The following KIAA1549L variants were observed in gnomAD, a reference collection of about 807,000 sequenced individuals.
KIAA1549L encodes UPF0606 protein KIAA1549L.
KIAA1549L carries 88 observed loss-of-function variants against 160.7 expected under a neutral mutation model. The ratio of observed to expected loss-of-function variants is 0.55; its 90% CI spans 0.46 to 0.65. The LOEUF is 0.65. KIAA1549L is among the 30% of genes least tolerant of loss of function. The pLI is 0.00. For missense variants in KIAA1549L, 2,258 were observed against 2,437.5 expected, an observed-to-expected ratio of 0.93 and a Z score of 1.55; for synonymous variants, 950 against 976.7, an observed-to-expected ratio of 0.97 and a Z score of 0.51.
intron 1 of KIAA1549L, among the ~76,000 whole-genome samples, chr11:33,464,880 C>T (rs1407144400): frequency 6.6e-6 from 1 of 151,874 alleles, no homozygotes; most frequent in Admixed American, 6.6e-5. Context: ...TTTAGCCCTG[C>T]ATCTTCTCCG....
At chr11:33,410,286 CT>C (rs1371517622) in intron 1 of KIAA1549L, among the ~76,000 whole-genome samples, 4 of 152,162 alleles carry the variant, frequency 2.6e-5, no homozygotes, top group Non-Finnish European at 5.9e-5. Flanking sequence ...TCCTGGGCAA[CT>C]CTCTTAACTG....
At position 33,591,245 on chromosome 11, in the gene KIAA1549L, A is replaced by G. The variant is rs1345598631; in HGVS notation, c.4575A>G (p.Gln1525=). 3.7e-6 allele frequency: 6 copies of G among 1,611,374 alleles called. No individual in the cohort carries two copies. The South Asian group carries it at 6.6e-5, about 18-fold the overall frequency. ...INLPQRAKPV[Q]GFDYAKQHLG... Reference sequence around the variant, plus strand: ...CTGTTTCCTCTTTGCAGCCTGTGCAAGGCTTTGATTATGCCAAGCAACACC... The same window carrying G: ...CTGTTTCCTCTTTGCAGCCTGTGCAGGGCTTTGATTATGCCAAGCAACACC... The change falls in exon 12 of 21, where the codon CAA becomes CAG. Residue 1525 remains glutamine, a synonymous_variant. Coordinates refer to ENST00000658780, the MANE Select transcript of KIAA1549L (RefSeq NM_012194.3).
Position 33,545,218 on chromosome 11 carries a change from G to C in KIAA1549L, c.3225G>C (p.Leu1075=), listed in dbSNP as rs1854204977. The C allele has an allele frequency of 6.2e-7, 1 of 1,613,886 alleles. No individual in the cohort carries two copies. Among genetic ancestry groups the C allele is most frequent in the Admixed American group, 1.7e-5 (1 of 60,006 alleles). Residue 1075 remains leucine, a synonymous_variant, in exon 3 of 21, where the codon CTG becomes CTC. Coordinates refer to ENST00000658780, the MANE Select transcript of KIAA1549L (RefSeq NM_012194.3). ...TPRPLTVTAA[L]TSITASVKAT... ...GCCCACTGACAGTCACGGCCGCGCT[G>C]ACATCCATTACAGCCTCAGTGAAGG...
intron 1 of KIAA1549L, among the ~76,000 whole-genome samples, chr11:33,442,280 A>C (rs940248056): frequency 6.6e-6 from 1 of 151,980 alleles, no homozygotes; most frequent in Non-Finnish European, 1.5e-5. Flanking sequence ...ATTGATCTAT[A>C]TCTCTGTTTT....
intron 9 of KIAA1549L, among the ~76,000 whole-genome samples, chr11:33,573,038 G>A (rs996526559): frequency 6.6e-6 from 1 of 152,170 alleles, no homozygotes; most frequent in African/African-American, 2.4e-5. Flanking sequence ...TCCCCATTGA[G>A]CATTTTTATG....
chr11:33,519,909 ACTTACCTAT>A lies in KIAA1549L; in HGVS notation c.239-21891_239-21883del, dbSNP rs574981594. Among the ~76,000 whole-genome samples the A allele has an allele frequency of 4.8e-3, 713 of 149,888 alleles. 1 individual carries two copies. Among genetic ancestry groups the A allele is most frequent in the Non-Finnish European group, 7.9e-3 (538 of 67,776 alleles). Reference sequence around the variant, plus strand: ...GGTACGAAATATCCTTCTCTATGATACTTACCTATCAAAGGAAATATCGGGTCGCCATCT... The same window carrying A: ...GGTACGAAATATCCTTCTCTATGATACAAAGGAAATATCGGGTCGCCATCT... On this transcript the variant is annotated intron_variant, in intron 1 of 20. Coordinates refer to ENST00000658780, the MANE Select transcript of KIAA1549L (RefSeq NM_012194.3).
At chr11:33,463,441 A>T (rs1362419733) in intron 1 of KIAA1549L, among the ~76,000 whole-genome samples, 1 of 152,166 alleles carries the variant, frequency 6.6e-6, no homozygotes, top group African/African-American at 2.4e-5. Flanking sequence ...GACGACCACC[A>T]GTTGAAACCA....
chr11:33,617,534 C>T (rs1288985959), intron 15 of KIAA1549L, among the ~76,000 whole-genome samples: 1 of 152,230 alleles, frequency 6.6e-6, no homozygotes, highest in Non-Finnish European at 1.5e-5. Flanking sequence ...ACTTAGGACT[C>T]AGCTGAATTG....
intron 1 of KIAA1549L, among the ~76,000 whole-genome samples, chr11:33,421,906 T>C (rs1189135184): frequency 6.6e-6 from 1 of 152,126 alleles, no homozygotes; most frequent in African/African-American, 2.4e-5. Context: ...AAGAGTTGAT[T>C]GAGTGGATTT....
intron 1 of KIAA1549L, among the ~76,000 whole-genome samples, chr11:33,485,341 A>G (rs896759649): frequency 9.2e-5 from 14 of 152,320 alleles, no homozygotes; most frequent in Admixed American, 7.2e-4. Context: ...TGCATGTTCA[A>G]TCTTCTACAA....
chr11:33,400,124 C>T (rs559026601), intron 1 of KIAA1549L, among the ~76,000 whole-genome samples: 47 of 152,264 alleles, frequency 3.1e-4, no homozygotes, highest in African/African-American at 9.9e-4. Flanking sequence ...TGACCTTTCA[C>T]GTACAGCACA....
intron 9 of KIAA1549L, among the ~76,000 whole-genome samples, chr11:33,570,925 A>C (rs1372710475): frequency 1.3e-5 from 2 of 152,166 alleles, no homozygotes; most frequent in Non-Finnish European, 2.9e-5. Context: ...AAACAGAGCA[A>C]CTGGGTATGA....
At chr11:33,549,093 T>A (rs1480051240) in intron 4 of KIAA1549L, among the ~76,000 whole-genome samples, 2 of 152,258 alleles carry the variant, frequency 1.3e-5, no homozygotes, top group Non-Finnish European at 2.9e-5. Flanking sequence ...CTCAAACTGC[T>A]TTTACAGTTT....
At chr11:33,506,342 C>G (rs1009934357) in intron 1 of KIAA1549L, among the ~76,000 whole-genome samples, 3 of 152,174 alleles carry the variant, frequency 2.0e-5, no homozygotes, top group Non-Finnish European at 4.4e-5. Flanking sequence ...CATGCTGGGG[C>G]TGCAAGGCGC....
intron 1 of KIAA1549L, among the ~76,000 whole-genome samples, chr11:33,493,292 T>C (rs75721642): frequency 0.011 from 1,747 of 152,296 alleles, 32 homozygotes; most frequent in African/African-American, 0.04. Context: ...GTTGGATCTT[T>C]TGCTCTCTTG....
chr11:33,491,550 C>T (rs1439188054), intron 1 of KIAA1549L, among the ~76,000 whole-genome samples: 1 of 152,204 alleles, frequency 6.6e-6, no homozygotes, highest in Non-Finnish European at 1.5e-5. Flanking sequence ...GGCTATTTTC[C>T]TGTATGTACC....
At chr11:33,408,087 A>T (rs1327459439) in intron 1 of KIAA1549L, among the ~76,000 whole-genome samples, 1 of 152,180 alleles carries the variant, frequency 6.6e-6, no homozygotes, top group African/African-American at 2.4e-5. Context: ...TTGTTTAATT[A>T]TCCGCTTTCT....
At chr11:33,462,771 CA>C (rs1046487466) in intron 1 of KIAA1549L, among the ~76,000 whole-genome samples, 2 of 146,514 alleles carry the variant, frequency 1.4e-5, no homozygotes, top group African/African-American at 4.9e-5. Flanking sequence ...CTTAGCTGCA[CA>C]TTTTTTTTTT....
intron 1 of KIAA1549L, among the ~76,000 whole-genome samples, chr11:33,541,060 G>A (rs1309483794): frequency 1.3e-5 from 2 of 152,174 alleles, no homozygotes; most frequent in African/African-American, 2.4e-5. Flanking sequence ...TCCAAGAGTT[G>A]TTTCCTCGCC....
Sources: gnomAD v4.1 joint callset for allele counts (sites outside exome capture counted in the v4.1 genomes callset) on GRCh38, gnomAD v4.1.1 for gene constraint, MANE v1.5 for transcripts, NCBI Gene and HGNC (gene_info 2026-07-23, HGNC 2026-07-21) for gene names.